PRELID2: variants seen among roughly 807,000 people sequenced by gnomAD.
The protein encoded by PRELID2 is PRELI domain-containing protein 2.
PRELID2 carries 25 observed loss-of-function variants against 28.4 expected under a neutral mutation model. The ratio of observed to expected loss-of-function variants is 0.88; its 90% CI spans 0.64 to 1.23. The LOEUF is 1.23. Ranked by LOEUF, PRELID2 falls within the 50% of genes most tolerant of loss-of-function variation. The probability of loss-of-function intolerance (pLI) is 0.00; values close to 1 mark genes in which losing one functional copy is unlikely to be tolerated. For missense variants in PRELID2, 201 were observed against 214.4 expected, an observed-to-expected ratio of 0.94 and a Z score of 0.39; for synonymous variants, 76 against 71.6, an observed-to-expected ratio of 1.06 and a Z score of -0.31.
intron 1 of PRELID2, among the ~76,000 whole-genome samples, chr5:145,565,642 G>T (rs533983131): frequency 6.6e-6 from 1 of 152,260 alleles, no homozygotes; most frequent in East Asian, 1.9e-4. Flanking sequence ...AAAAATAAAC[G>T]TTTTAAGCAA....
the PRELID2 span, chr5:145,429,803 A>G: frequency 4.6e-5 from 7 of 152,186 alleles, no homozygotes; most frequent in East Asian, 1.9e-4. Context: ...GCAAGTCACA[A>G]TGTGCTCATT....
the PRELID2 span, among the ~76,000 whole-genome samples, chr5:145,262,505 CA>C: frequency 1.6e-4 from 25 of 152,066 alleles, no homozygotes; most frequent in Non-Finnish European, 2.9e-4. Context: ...AGAAACCCTA[CA>C]AGCTAGAAGG....
the PRELID2 span, among the ~76,000 whole-genome samples, chr5:145,313,262 A>T: frequency 6.6e-6 from 1 of 152,180 alleles, no homozygotes; most frequent in African/African-American, 2.4e-5. Flanking sequence ...AAATAAGAAA[A>T]TGTTTGTTAT....
chr5:145,360,547 C>T, the PRELID2 span, among the ~76,000 whole-genome samples: 1 of 152,090 alleles, frequency 6.6e-6, no homozygotes, highest in Non-Finnish European at 1.5e-5. Flanking sequence ...AGCCCCTGAG[C>T]CTATTGTGCA....
At chr5:145,565,380 G>A (rs771761066) in intron 1 of PRELID2, among the ~76,000 whole-genome samples, 2 of 152,184 alleles carry the variant, frequency 1.3e-5, no homozygotes, top group Non-Finnish European at 2.9e-5. Context: ...GGCACTGCTT[G>A]CTGCATCAAA....
chr5:145,760,710 A>G (rs1757433917), intron 6 of PRELID2, among the ~76,000 whole-genome samples, 185 bp from the exon 7 acceptor site: 1 of 152,220 alleles, frequency 6.6e-6, no homozygotes, highest in Non-Finnish European at 1.5e-5. Flanking sequence ...CATTTTATTA[A>G]GTCCAACTAC....
At chr5:145,821,152 G>GGGGGGTGTGTGTGTGTGT (rs1471788872) in intron 2 of PRELID2, among the ~76,000 whole-genome samples, 1 of 88,192 alleles carries the variant, frequency 1.1e-5, no homozygotes, top group African/African-American at 4.0e-5. Context: ...AACTCTCCTG[G>GGGGGGTGTGTGTGTGTGT]GTGTGTGTGT....
intron 1 of PRELID2, among the ~76,000 whole-genome samples, chr5:145,551,316 G>A (rs180697744): frequency 1.1e-4 from 17 of 152,032 alleles, no homozygotes; most frequent in African/African-American, 3.4e-4. Context: ...CAGGAGAATC[G>A]CTTGAACCCA....
At chr5:145,619,624 A>G (rs1484211553) in intron 1 of PRELID2, among the ~76,000 whole-genome samples, 4 of 152,100 alleles carry the variant, frequency 2.6e-5, no homozygotes, top group Non-Finnish European at 5.9e-5. Context: ...TTCCTGATTT[A>G]TTCCTGCGGT....
the PRELID2 span, among the ~76,000 whole-genome samples, chr5:145,431,148 T>A: frequency 3.3e-5 from 5 of 151,732 alleles, no homozygotes; most frequent in South Asian, 2.1e-4. Flanking sequence ...TAGAATTTTT[T>A]AAAAATCAAA....
the PRELID2 span, among the ~76,000 whole-genome samples, chr5:145,327,980 G>A: frequency 2.6e-5 from 4 of 151,036 alleles, no homozygotes; most frequent in South Asian, 4.2e-4. Context: ...TTCCCCTCCC[G>A]GTGTCCCTGT....
chr5:145,827,817 G>C (rs1755295291), intron 1 of PRELID2, among the ~76,000 whole-genome samples: 1 of 152,162 alleles, frequency 6.6e-6, no homozygotes, highest in Non-Finnish European at 1.5e-5. Context: ...GCAGGACACT[G>C]GCAGCTAAAT....
At chr5:145,424,317 G>T in the PRELID2 span, among the ~76,000 whole-genome samples, 1 of 152,164 alleles carries the variant, frequency 6.6e-6, no homozygotes, top group African/African-American at 2.4e-5. Context: ...GGGCAATGGC[G>T]GGCGCCCCTC....
chr5:145,447,699 C>A, the PRELID2 span, among the ~76,000 whole-genome samples: 1 of 119,636 alleles, frequency 8.4e-6, no homozygotes, highest in African/African-American at 3.2e-5. Context: ...TCAATTCCCA[C>A]CTATGAGTGA....
chr5:145,484,946 G>A (rs186871908), intron 1 of PRELID2, among the ~76,000 whole-genome samples: 100 of 152,240 alleles, frequency 6.6e-4, no homozygotes, highest in Non-Finnish European at 1.2e-3. Flanking sequence ...GCTACTACCA[G>A]GGGCTCTTCT....
chr5:145,607,209 A>C (rs1753518298), intron 1 of PRELID2, among the ~76,000 whole-genome samples: 1 of 151,986 alleles, frequency 6.6e-6, no homozygotes, highest in Admixed American at 6.6e-5. Flanking sequence ...GGATTGATTG[A>C]TCTTTTGTAT....
At chr5:145,558,830 A>G (rs1365699641) in intron 1 of PRELID2, among the ~76,000 whole-genome samples, 1 of 152,218 alleles carries the variant, frequency 6.6e-6, no homozygotes, top group Non-Finnish European at 1.5e-5. Flanking sequence ...GACTTGGCAC[A>G]TTTTTGGAGG....
chr5:145,613,736 T>C (rs557001013), intron 1 of PRELID2, among the ~76,000 whole-genome samples: 2 of 152,236 alleles, frequency 1.3e-5, no homozygotes, highest in South Asian at 2.1e-4. Context: ...TCTTGTCAGA[T>C]GTATATATTA....
chr5:145,781,993 T>C (rs1353714110), intron 5 of PRELID2, among the ~76,000 whole-genome samples: 1 of 152,020 alleles, frequency 6.6e-6, no homozygotes, highest in African/African-American at 2.4e-5. Flanking sequence ...AACTAATAGA[T>C]TGGTTGGAAT....
Sources: gnomAD v4.1 joint callset for allele counts (sites outside exome capture counted in the v4.1 genomes callset) on GRCh38, gnomAD v4.1.1 for gene constraint, MANE v1.5 for transcripts, NCBI Gene and HGNC (gene_info 2026-07-23, HGNC 2026-07-21) for gene names.